Variants in GRAMD1C observed in about 807,000 individuals in gnomAD.
GRAMD1C encodes the protein protein Aster-C.
Under a neutral mutation model 97.8 loss-of-function variants are expected in GRAMD1C, and 89 were observed. The observed-to-expected ratio is 0.91, with a 90% confidence interval of 0.77 to 1.09. GRAMD1C has a LOEUF of 1.09. Ranked by LOEUF, GRAMD1C falls within the 50% of genes least tolerant of loss-of-function variation. GRAMD1C has a pLI of 0.00. For synonymous variants in GRAMD1C, 256 were observed against 267.0 expected, an observed-to-expected ratio of 0.96 and a Z score of 0.40; for missense variants, 740 against 766.4, an observed-to-expected ratio of 0.97 and a Z score of 0.41.
chr3:113,859,268 T>G (rs777595484), intron 2 of GRAMD1C, among the ~76,000 whole-genome samples: 4 of 152,190 alleles, frequency 2.6e-5, no homozygotes, highest in African/African-American at 4.8e-5. Context: ...TATGTTACAT[T>G]AAGGTTTTAA....
At chr3:113,934,737 A>AT (rs1464250321) in intron 13 of GRAMD1C, among the ~76,000 whole-genome samples, 3 of 151,736 alleles carry the variant, frequency 2.0e-5, no homozygotes, top group African/African-American at 7.3e-5. Context: ...ACAAACACTT[A>AT]TTTTTTTTAT....
At chr3:113,896,393 TG>T (rs1316323062) in intron 6 of GRAMD1C, among the ~76,000 whole-genome samples, 12 of 152,204 alleles carry the variant, frequency 7.9e-5, no homozygotes, top group African/African-American at 2.7e-4. Flanking sequence ...CTTTGTGTGT[TG>T]GGCTTTCTTG....
intron 1 of GRAMD1C, among the ~76,000 whole-genome samples, chr3:113,833,099 CT>C (rs1245572147): frequency 7.0e-6 from 1 of 143,002 alleles, no homozygotes; most frequent in Admixed American, 7.1e-5. Flanking sequence ...TTTTTCTTTT[CT>C]TTTCTTTCTT....
In GRAMD1C at chr3:113,897,260, G is replaced by A. The variant is rs543709034; in HGVS notation, c.541-3771G>A. Among the ~76,000 whole-genome samples the A allele has an allele frequency of 5.3e-5, 8 of 152,284 alleles. No individual in the cohort carries two copies. In the South Asian group the frequency reaches 1.0e-3, roughly 20 times the overall value. ...ATTGCATAGAAATTACTAGCATGGAGAAGAAAAATTAACCTGTAATATAGT... is the reference window on the plus strand; with the variant it reads ...ATTGCATAGAAATTACTAGCATGGAAAAGAAAAATTAACCTGTAATATAGT... On this transcript the variant is annotated intron_variant, in intron 6 of 17. Transcript: ENST00000358160.
At chr3:113,920,403 CT>C (rs1367570707) in intron 10 of GRAMD1C, among the ~76,000 whole-genome samples, 1 of 152,150 alleles carries the variant, frequency 6.6e-6, no homozygotes, top group Non-Finnish European at 1.5e-5. Flanking sequence ...AAAATGCTCT[CT>C]TTGAAACACT....
chr3:113,878,131 G>A (rs1430909723), intron 5 of GRAMD1C, among the ~76,000 whole-genome samples: 1 of 152,102 alleles, frequency 6.6e-6, no homozygotes, highest in Non-Finnish European at 1.5e-5. Flanking sequence ...ACCATACTTT[G>A]AATTTATTCA....
chr3:113,922,392 G>T (rs1937091951), intron 10 of GRAMD1C, among the ~76,000 whole-genome samples: 1 of 152,034 alleles, frequency 6.6e-6, no homozygotes, highest in South Asian at 2.1e-4. Context: ...TTTTCTTCAA[G>T]GGTTTTATAG....
intron 2 of GRAMD1C, among the ~76,000 whole-genome samples, chr3:113,857,683 C>T (rs1934204606): frequency 6.6e-6 from 1 of 152,052 alleles, no homozygotes; most frequent in Admixed American, 6.6e-5. Flanking sequence ...GCCTGTATTC[C>T]TGTTTTTTAA....
intron 1 of GRAMD1C, among the ~76,000 whole-genome samples, chr3:113,842,165 G>A (rs912936161): frequency 1.1e-4 from 17 of 152,348 alleles, no homozygotes; most frequent in South Asian, 2.1e-4. Context: ...GATGGTTAAA[G>A]TGAGGCATAC....
chr3:113,940,402 G>A, intron 17 of GRAMD1C, 57 bp downstream of exon 17: 1 of 962,650 alleles, frequency 1.0e-6, no homozygotes, highest in South Asian at 1.3e-5. Flanking sequence ...TGAATTAGTT[G>A]CTCTTCTGTG....
intron 2 of GRAMD1C, among the ~76,000 whole-genome samples, chr3:113,865,972 A>G (rs995560951): frequency 1.3e-5 from 2 of 152,160 alleles, no homozygotes; most frequent in African/African-American, 4.8e-5. Flanking sequence ...ATCCTTTCAA[A>G]TTTACTGAAA....
intron 10 of GRAMD1C, among the ~76,000 whole-genome samples, chr3:113,923,032 T>C (rs1426973716): frequency 6.6e-6 from 1 of 152,082 alleles, no homozygotes; most frequent in Non-Finnish European, 1.5e-5. Context: ...TTTTTTTCTT[T>C]TGCTATAACG....
At chr3:113,862,529 C>A (rs551273999) in intron 2 of GRAMD1C, among the ~76,000 whole-genome samples, 1 of 152,070 alleles carries the variant, frequency 6.6e-6, no homozygotes, top group African/African-American at 2.4e-5. Context: ...TTCAAGGCGC[C>A]CAGATTTCAT....
intron 6 of GRAMD1C, chr3:113,885,435 C>T: frequency 6.4e-7 from 1 of 1,571,964 alleles, no homozygotes; most frequent in Non-Finnish European, 8.8e-7. Context: ...ATGATATCCT[C>T]CCCTTATCTC....
chr3:113,900,962 T>C (rs1936146218), intron 6 of GRAMD1C, 69 bp from the exon 7 acceptor site: 5 of 821,726 alleles, frequency 6.1e-6, no homozygotes, highest in Admixed American at 3.8e-5. Context: ...TCAAAACTCA[T>C]GTTTTGAATC....
At chr3:113,866,842 T>TG (rs1242840438) in intron 2 of GRAMD1C, among the ~76,000 whole-genome samples, 1 of 151,996 alleles carries the variant, frequency 6.6e-6, no homozygotes, top group Non-Finnish European at 1.5e-5. Flanking sequence ...TGTCTTTTTT[T>TG]TTTTGAGATG....
At chr3:113,870,379 C>CA (rs962948300) in intron 3 of GRAMD1C, among the ~76,000 whole-genome samples, 72 of 127,714 alleles carry the variant, frequency 5.6e-4, no homozygotes, top group Admixed American at 1.0e-3. Flanking sequence ...AACCCCCGCT[C>CA]AAAAAAAAAA....
rs750831869 is a variant in GRAMD1C, at chr3:113,876,221, C to CA, written c.421dup (p.Ile141AsnfsTer12). 6.3e-7 allele frequency: 1 copy of CA among 1,599,870 alleles called. No homozygotes were observed. Among genetic ancestry groups the CA allele is most frequent in the Admixed American group, 1.7e-5 (1 of 59,814 alleles). The stretch of plus-strand genomic sequence containing the variant: ...TGACCAAGGAAAAAACTGCTCGACT[C>CA]ATCCCAAACGCTATCCAGATAGTTA... On this transcript the variant is annotated frameshift_variant, in exon 5 of 18. Transcript: ENST00000358160. LOFTEE classifies it high-confidence loss of function.
chr3:113,942,559 G>A (rs1937853947), intron 17 of GRAMD1C, among the ~76,000 whole-genome samples: 1 of 152,108 alleles, frequency 6.6e-6, no homozygotes, highest in South Asian at 2.1e-4. Context: ...GTGGATTTAG[G>A]GCTGGCTGCA....
Sources: gnomAD v4.1 joint callset for allele counts (sites outside exome capture counted in the v4.1 genomes callset) on GRCh38, gnomAD v4.1.1 for gene constraint, MANE v1.5 for transcripts, NCBI Gene and HGNC (gene_info 2026-07-23, HGNC 2026-07-21) for gene names.